The following ARSL variants were observed in gnomAD, a reference collection of about 807,000 sequenced individuals.
The protein encoded by ARSL is arylsulfatase E (chondrodysplasia punctata 1).
Under a neutral mutation model 31.1 loss-of-function variants are expected in ARSL, and 4 were observed. The ratio of observed to expected loss-of-function variants is 0.13; its 90% CI spans 0.06 to 0.29. The LOEUF (loss-of-function observed/expected upper bound fraction) is 0.29, where lower values mean the gene tolerates loss of function less well. Among genes scored for constraint, ARSL ranks in the 10% least tolerant of loss-of-function variants. ARSL has a pLI of 1.00. For missense variants in ARSL, 312 were observed against 497.8 expected (o/e 0.63, Z 3.55); for synonymous variants, 198 against 209.9 (o/e 0.94, Z 0.49).
intron 6 of ARSL, among the ~76,000 whole-genome samples, chrX:2,947,166 C>G (rs1184657172): frequency 9.1e-6 from 1 of 110,472 alleles, no homozygotes; most frequent in Non-Finnish European, 1.9e-5. Context: ...CCTGGACAAC[C>G]GGATTGAAAT....
chrX:2,935,116 T>G lies in ARSL; in HGVS notation c.1486A>C (p.Lys496Gln). The change falls in exon 11 of 11, where the codon AAG (lysine) becomes CAG (glutamine). Residue 496 changes from lysine (K) to glutamine (Q), a missense_variant. By Grantham distance (53) the Lys-to-Gln change is moderately conservative. Transcript: ENST00000381134. Reference sequence around the variant, plus strand: ...TTTTCCCCAAAGCACGGGCAGACCTTTCTTCCATAGCAGGCACCGGCTCCC... The same window carrying G: ...TTTTCCCCAAAGCACGGGCAGACCTGTCTTCCATAGCAGGCACCGGCTCCC... ...PEGAGACYGRKVCPCFGEKVV... is the reference protein window; with the variant it reads ...PEGAGACYGRQVCPCFGEKVV... 1 of 1,211,603 alleles carries G rather than the reference T, an allele frequency of 8.3e-7. No individual in the cohort carries two copies. Among genetic ancestry groups the G allele is most frequent in the Non-Finnish European group, 1.1e-6 (1 of 895,472 alleles).
chrX:2,959,504 G>A (rs767965914), intron 2 of ARSL: 42 of 1,030,152 alleles, frequency 4.1e-5, no homozygotes, highest in Non-Finnish European at 5.3e-5. Flanking sequence ...GTGGGATGCA[G>A]TAAAGATGTA....
chrX:2,953,591 C>T (rs2089489101), intron 4 of ARSL, among the ~76,000 whole-genome samples: 1 of 112,057 alleles, frequency 8.9e-6, no homozygotes, highest in African/African-American at 3.2e-5. Context: ...CTTGTTCTGT[C>T]GTCCAGGCTG....
chrX:2,950,057 C>G (rs931715945), intron 5 of ARSL, among the ~76,000 whole-genome samples: 2 of 111,873 alleles, frequency 1.8e-5, no homozygotes, highest in African/African-American at 6.5e-5. Flanking sequence ...TGTCTCCAGG[C>G]CACACTCAAA....
chrX:2,950,778 C>T (rs946232119), intron 5 of ARSL, among the ~76,000 whole-genome samples: 17 of 111,680 alleles, frequency 1.5e-4, no homozygotes, highest in Non-Finnish European at 3.0e-4. Flanking sequence ...TGAGAACAGA[C>T]TAATACAGGC....
At chrX:2,944,959 G>A (rs892933230) in intron 7 of ARSL, among the ~76,000 whole-genome samples, 7 of 109,809 alleles carry the variant, frequency 6.4e-5, no homozygotes, top group Non-Finnish European at 1.1e-4. Flanking sequence ...AGAAGTGGAA[G>A]AGGAAGAAGA....
intron 8 of ARSL, among the ~76,000 whole-genome samples, chrX:2,939,848 G>A (rs1458499167): frequency 9.6e-6 from 1 of 103,736 alleles, no homozygotes; most frequent in Non-Finnish European, 2.0e-5. Flanking sequence ...GGCCAGCTAG[G>A]TGTCTACCCT....
At chrX:2,965,025 A>C (rs1188090325), upstream of ARSL, among the ~76,000 whole-genome samples, 1 of 110,105 alleles carries the variant, frequency 9.1e-6, no homozygotes, top group African/African-American at 3.3e-5. Context: ...AGATTGTTTG[A>C]GCCTGGGAGG....
intron 4 of ARSL, among the ~76,000 whole-genome samples, chrX:2,953,895 T>G (rs1015672634): frequency 1.8e-5 from 2 of 110,448 alleles, no homozygotes; most frequent in African/African-American, 6.6e-5. Context: ...ATATTTTTAA[T>G]TTTTTGGCAG....
rs753500701 is a variant in ARSL at position 2,934,843 on chromosome X, C to T, written c.1759G>A (p.Asp587Asn). 1.7e-6 allele frequency: 2 copies of T among 1,198,765 alleles called. No homozygotes were observed. ...TTCACTGCAGACATTTATTGTGGGTCATCTTCCCTAAGGCACCAGCAGAGG... is the reference window on the plus strand; with the variant it reads ...TTCACTGCAGACATTTATTGTGGGTTATCTTCCCTAAGGCACCAGCAGAGG... The part of the protein sequence containing the change: ...FPLCWCLRED[D>N]PQ The change falls in exon 11 of 11, where the codon GAC becomes AAC. Residue 587 changes from aspartate to asparagine, a missense_variant. Transcript: ENST00000381134.
At position 2,934,796 on chromosome X, in the gene ARSL, T is replaced by G; in HGVS notation, c.*36A>C. ...TTTGTTTCAATTTGAGTGACAAAAT[T>G]TAGGAATCGGGGCTCCAGCTTTTCA... On this transcript the variant is annotated 3_prime_UTR_variant, in exon 11 of 11. Transcript: ENST00000381134. 1.7e-6 allele frequency: 2 copies of G among 1,164,504 alleles called. No individual in the cohort carries two copies. The highest frequency in any genetic ancestry group is 2.3e-6 in the Non-Finnish European group (2 of 861,132).
rs1041669479 is a variant in ARSL, at chrX:2,959,822, A to G, written c.23+556T>C. 4 of 817,843 alleles carry G rather than the reference A, an allele frequency of 4.9e-6. No homozygotes were observed. The South Asian group carries it at 1.0e-4, about 21-fold the overall frequency. 67.4% of individuals were successfully genotyped at this position (817,843 alleles called of 1,213,427 possible). ...CATTATCTGAGCACGTTGGGAGGCCAAGGTGGGAGCATTGCCTGAGCCCAG... is the reference window on the plus strand; with the variant it reads ...CATTATCTGAGCACGTTGGGAGGCCGAGGTGGGAGCATTGCCTGAGCCCAG... On this transcript the variant is annotated intron_variant, in intron 2 of 10. Coordinates refer to ENST00000381134, the MANE Select transcript of ARSL (RefSeq NM_000047.3).
At chrX:2,963,373 C>T (rs1264260260) in intron 1 of ARSL, among the ~76,000 whole-genome samples, 6 of 110,345 alleles carry the variant, frequency 5.4e-5, no homozygotes, top group African/African-American at 1.6e-4. Flanking sequence ...GGTCAGAAAA[C>T]GGAATAAAAG....
At chrX:2,960,170 G>C (rs1376264724) in intron 2 of ARSL, among the ~76,000 whole-genome samples, 1 of 83,462 alleles carries the variant, frequency 1.2e-5, no homozygotes, top group Non-Finnish European at 2.5e-5. Flanking sequence ...TCGGGAGGCT[G>C]AGGCAGGAGA....
At chrX:2,950,062 C>G (rs191076999) in intron 5 of ARSL, among the ~76,000 whole-genome samples, 1 of 112,046 alleles carries the variant, frequency 8.9e-6, no homozygotes, top group African/African-American at 3.2e-5. Flanking sequence ...CCAGGCCACA[C>G]TCAAATTGGA....
chrX:2,956,339 G>A (rs962318570), intron 3 of ARSL, among the ~76,000 whole-genome samples: 1 of 112,136 alleles, frequency 8.9e-6, no homozygotes, highest in Non-Finnish European at 1.9e-5. Flanking sequence ...TTTTCAGCAG[G>A]GGAGGATTGA....
chrX:2,960,504 G>A lies in ARSL; in HGVS notation c.-20-84C>T, dbSNP rs2089611017. 7.2e-6 allele frequency: 7 copies of A among 975,686 alleles called. No individual in the cohort carries two copies. The South Asian group carries it at 1.5e-4, about 21-fold the overall frequency. The allele number at this position is 975,686 out of a possible 1,213,427, so 80.4% of individuals were successfully genotyped here. The stretch of plus-strand genomic sequence containing the variant: ...ATAAAACAGTAAGTAAGTAATTAGG[G>A]GAACTTTGATTCCCGTTCATGATAT... On this transcript the variant is annotated intron_variant, in intron 1 of 10. Transcript: ENST00000381134.
intron 3 of ARSL, among the ~76,000 whole-genome samples, chrX:2,957,045 C>A (rs1463788162): frequency 1.9e-5 from 2 of 106,144 alleles, no homozygotes; most frequent in African/African-American, 3.4e-5. Flanking sequence ...CATGATGAAA[C>A]CCCGTCTCTA....
chrX:2,941,990 C>T (rs1185441904), intron 8 of ARSL, among the ~76,000 whole-genome samples: 2 of 112,587 alleles, frequency 1.8e-5, no homozygotes, highest in Non-Finnish European at 3.8e-5. Context: ...CACAGGCCTC[C>T]GTAACAACTG....
Sources: allele counts gnomAD v4.1 joint callset (sites outside exome capture counted in the v4.1 genomes callset), GRCh38; gene constraint gnomAD v4.1.1; transcripts MANE v1.5; gene names NCBI Gene and HGNC (gene_info 2026-07-23, HGNC 2026-07-21).